Variants in ZDHHC14 observed in about 807,000 individuals in gnomAD.
ZDHHC14 encodes zDHHC palmitoyltransferase 14.
A neutral mutation model predicts 47.7 loss-of-function variants in ZDHHC14; 16 were observed. That is an observed-to-expected ratio of 0.34 (90% CI 0.23 to 0.51). The LOEUF (loss-of-function observed/expected upper bound fraction) is 0.51. ZDHHC14 is among the 20% of genes least tolerant of loss of function. The pLI is 0.97. For missense variants in ZDHHC14, 515 were observed against 662.5 expected (o/e 0.78, Z 2.44); for synonymous variants, 293 against 278.9 (o/e 1.05, Z -0.50).
intron 1 of ZDHHC14, among the ~76,000 whole-genome samples, chr6:157,541,950 A>G (rs1385245135): frequency 1.3e-5 from 2 of 152,218 alleles, no homozygotes; most frequent in Non-Finnish European, 2.9e-5. Context: ...AAAGCATGAG[A>G]TGATTCTATT....
In ZDHHC14 at chr6:157,675,824, A is replaced by G. The variant is rs1469989352; in HGVS notation, c.*2702A>G. The G allele has an allele frequency of 6.6e-6, 1 of 152,252 alleles. No homozygotes were observed. The highest frequency in any genetic ancestry group is 1.5e-5 in the Non-Finnish European group (1 of 68,040). The allele number at this position is 152,252 out of a possible 1,614,324, so 9.4% of individuals were successfully genotyped here. A position where few individuals can be genotyped will look rare whatever the true frequency, so the allele number is the denominator to read the frequency against. ...TGGCTGAGTAGACGTTGGTGTTTCT[A>G]ACTTCTTTCAGTGTGTTAGAGATTG... is the stretch of plus-strand genomic sequence containing the variant. On this transcript the variant is annotated 3_prime_UTR_variant, in exon 9 of 9. Coordinates refer to ENST00000359775, the MANE Select transcript of ZDHHC14 (RefSeq NM_024630.3).
At chr6:157,527,589 C>CT (rs1781204383) in intron 1 of ZDHHC14, among the ~76,000 whole-genome samples, 1 of 152,150 alleles carries the variant, frequency 6.6e-6, no homozygotes, top group South Asian at 2.1e-4. Context: ...AGAGTAAGCA[C>CT]TACAGTCACG....
intron 2 of ZDHHC14, among the ~76,000 whole-genome samples, chr6:157,590,719 C>T (rs1783876648): frequency 6.6e-6 from 1 of 152,234 alleles, no homozygotes; most frequent in Non-Finnish European, 1.5e-5. Flanking sequence ...CACTGGGGCA[C>T]TGCCTAGTGG....
intron 1 of ZDHHC14, among the ~76,000 whole-genome samples, chr6:157,521,389 C>T (rs1299549026): frequency 2.0e-5 from 3 of 152,192 alleles, no homozygotes; most frequent in Non-Finnish European, 2.9e-5. Flanking sequence ...CTTCTGTCTT[C>T]GTCTGTTCAG....
chr6:157,580,734 GTT>G (rs1554269458), intron 2 of ZDHHC14, among the ~76,000 whole-genome samples: 2,045 of 151,426 alleles, frequency 0.014, 52 homozygotes, highest in African/African-American at 0.047. Flanking sequence ...GTGTGTGTGT[GTT>G]TTTTTCTTTG....
chr6:157,624,509 C>G (rs1785325140), intron 3 of ZDHHC14, among the ~76,000 whole-genome samples: 1 of 152,196 alleles, frequency 6.6e-6, no homozygotes, highest in Non-Finnish European at 1.5e-5. Flanking sequence ...ACAAGGAACT[C>G]TTTGAAGCCA....
intron 2 of ZDHHC14, 43 bp downstream of exon 2, chr6:157,542,788 C>G (rs1313201868): frequency 4.4e-6 from 7 of 1,596,602 alleles, no homozygotes; most frequent in Non-Finnish European, 6.0e-6. Context: ...CACTTCCCGC[C>G]TGGGCCCAGC....
chr6:157,565,527 A>C (rs17165434), intron 2 of ZDHHC14, among the ~76,000 whole-genome samples: 1 of 151,998 alleles, frequency 6.6e-6, no homozygotes, highest in Non-Finnish European at 1.5e-5. Flanking sequence ...GAGTCAAAAG[A>C]TTGGGTACAG....
chr6:157,654,094 T>C (rs1412556745), intron 8 of ZDHHC14, among the ~76,000 whole-genome samples: 1 of 152,114 alleles, frequency 6.6e-6, no homozygotes, highest in Non-Finnish European at 1.5e-5. Context: ...CAGCCCTGTG[T>C]AAAATAGCGC....
At chr6:157,624,310 G>A (rs1194487432) in intron 3 of ZDHHC14, among the ~76,000 whole-genome samples, 1 of 152,224 alleles carries the variant, frequency 6.6e-6, no homozygotes, top group Non-Finnish European at 1.5e-5. Flanking sequence ...CAGCAGGACA[G>A]GATGGGCCAC....
In ZDHHC14 at chr6:157,432,426, T is replaced by A. The variant is rs562369445; in HGVS notation, c.245+50160T>A. Among the ~76,000 whole-genome samples the A allele has an allele frequency of 2.0e-5, 3 of 152,178 alleles. No individual in the cohort carries two copies. The South Asian group carries it at 6.2e-4, about 32-fold the overall frequency. ...GGCAGAGCCCTTACTTCAGGGAGCTTACTAGCAGGTGTGGTTGCCCGGGGC... is the reference window on the plus strand; with the variant it reads ...GGCAGAGCCCTTACTTCAGGGAGCTAACTAGCAGGTGTGGTTGCCCGGGGC... On this transcript the variant is annotated intron_variant, in intron 1 of 8. Transcript: ENST00000359775.
At chr6:157,391,591 G>A (rs1463623243) in intron 1 of ZDHHC14, among the ~76,000 whole-genome samples, 1 of 152,166 alleles carries the variant, frequency 6.6e-6, no homozygotes, top group African/African-American at 2.4e-5. Flanking sequence ...TCATATGGCA[G>A]TCCACATATG....
chr6:157,544,178 G>T, intron 2 of ZDHHC14, among the ~76,000 whole-genome samples: 1 of 152,210 alleles, frequency 6.6e-6, no homozygotes, highest in Non-Finnish European at 1.5e-5. Context: ...CTTCAAAACT[G>T]TATGGTTTAT....
intron 2 of ZDHHC14, among the ~76,000 whole-genome samples, chr6:157,562,865 C>T (rs1369403149): frequency 6.6e-6 from 1 of 152,020 alleles, no homozygotes; most frequent in Non-Finnish European, 1.5e-5. Flanking sequence ...ACAACGGTTC[C>T]CTCCCGCCTC....
intron 3 of ZDHHC14, among the ~76,000 whole-genome samples, chr6:157,627,440 C>G (rs1364932575): frequency 6.6e-6 from 1 of 152,188 alleles, no homozygotes; most frequent in Non-Finnish European, 1.5e-5. Flanking sequence ...ATGGTGTTCT[C>G]AATAGAAGAT....
rs3220439 is a variant in ZDHHC14 at position 157,453,788 on chromosome 6, T to TTTTTTTTTTGTGTGTGTGTGTGTGTG, written c.245+71523_245+71524insTTTTTTTTGTGTGTGTGTGTGTGTGT. Among the ~76,000 whole-genome samples the TTTTTTTTTTGTGTGTGTGTGTGTGTG allele has an allele frequency of 1.5e-3, 224 of 148,180 alleles. 1 individual carries two copies. Among genetic ancestry groups the TTTTTTTTTTGTGTGTGTGTGTGTGTG allele is most frequent in the African/African-American group, 5.4e-3 (213 of 39,560 alleles). Reference sequence around the variant, plus strand: ...TTCTAAGGCCATTGTTTTTTGTGTTTTGTGTGTGTGTGTGTGTGTGTGTGT... The same window carrying TTTTTTTTTTGTGTGTGTGTGTGTGTG: ...TTCTAAGGCCATTGTTTTTTGTGTTTTTTTTTTTTGTGTGTGTGTGTGTGTGTGTGTGTGTGTGTGTGTGTGTGTGT... On this transcript the variant is annotated intron_variant, in intron 1 of 8. Transcript: ENST00000359775.
At chr6:157,424,708 C>T (rs1008783144) in intron 1 of ZDHHC14, among the ~76,000 whole-genome samples, 2 of 152,132 alleles carry the variant, frequency 1.3e-5, no homozygotes, top group African/African-American at 2.4e-5. Context: ...GCAGGAGATT[C>T]GATTAATGAT....
At chr6:157,503,872 G>A (rs771501790) in intron 1 of ZDHHC14, among the ~76,000 whole-genome samples, 3 of 152,144 alleles carry the variant, frequency 2.0e-5, no homozygotes, top group Non-Finnish European at 4.4e-5. Flanking sequence ...TATAAGGCTC[G>A]TGGGAGTGTA....
intron 1 of ZDHHC14, among the ~76,000 whole-genome samples, chr6:157,521,455 AC>A (rs1780911720): frequency 6.6e-6 from 1 of 152,176 alleles, no homozygotes; most frequent in South Asian, 2.1e-4. Context: ...ACAGAAACTT[AC>A]TTCTCACAGT....
Sources: gnomAD v4.1 joint callset for allele counts (sites outside exome capture counted in the v4.1 genomes callset) on GRCh38, gnomAD v4.1.1 for gene constraint, MANE v1.5 for transcripts, NCBI Gene and HGNC (gene_info 2026-07-23, HGNC 2026-07-21) for gene names.